FMR1: variants seen among roughly 807,000 people sequenced by gnomAD.
FMR1 encodes the protein FMRP translational regulator 1.
A neutral mutation model predicts 50.6 loss-of-function variants in FMR1; 13 were observed. The observed-to-expected ratio is 0.26, with a 90% CI of 0.17 to 0.41. The LOEUF is 0.41. FMR1 is among the 10% of genes least tolerant of loss of function. FMR1 has a pLI of 1.00. For missense variants in FMR1, 316 were observed against 491.3 expected, an observed-to-expected ratio of 0.64 and a Z score of 3.37; for synonymous variants, 138 against 164.1, an observed-to-expected ratio of 0.84 and a Z score of 1.22.
Position 147,930,186 on chromosome X carries a change from G to A in FMR1, c.572G>A (p.Ser191Asn). The change falls in exon 7 of 17, where the codon AGT becomes AAT. Residue 191 changes from serine to asparagine, a missense_variant. This residue lies in a region of FMR1 where 124 missense variants were observed against 238.1 expected (regional missense o/e 0.52). Transcript: ENST00000370475. ...AHMLIDMHFR[S>N]LRTKLSLIMR... is the part of the protein sequence containing the mutation. ...ATGCTGATTGACATGCACTTTCGGA[G>A]TCTGCGCACTAAGTTGTCTCTGATA... 8.3e-7 allele frequency: 1 copy of A among 1,209,536 alleles called. No homozygotes were observed. Among genetic ancestry groups the A allele is most frequent in the Non-Finnish European group, 1.1e-6 (1 of 893,491 alleles).
At chrX:147,934,495 A>G (rs1245856710) in intron 9 of FMR1, among the ~76,000 whole-genome samples, 1 of 111,294 alleles carries the variant, frequency 9.0e-6, no homozygotes, top group African/African-American at 3.3e-5. Flanking sequence ...ACAGTAGGGG[A>G]CTCTGTTCTT....
chrX:147,944,159 G>A, intron 14 of FMR1: 1 of 754,180 alleles, frequency 1.3e-6, no homozygotes, highest in African/African-American at 2.3e-5. Context: ...CCAACAGTCT[G>A]TTCTTTTTAC....
At chrX:147,917,778 G>A (rs1373947092) in intron 1 of FMR1, among the ~76,000 whole-genome samples, 1 of 111,145 alleles carries the variant, frequency 9.0e-6, no homozygotes, top group Non-Finnish European at 1.9e-5. Context: ...GAGGCTGGTC[G>A]AGTTCCTTAT....
chrX:147,933,598 T>C (rs2043682949), intron 9 of FMR1: 6 of 867,244 alleles, frequency 6.9e-6, no homozygotes, highest in South Asian at 6.4e-5. Flanking sequence ...GCTGCAGATA[T>C]CTTTAGTAGA....
rs1557182679 is a variant in FMR1 at position 147,948,843 on chromosome X, A to T, written c.1898A>T (p.Ter633LeuextTer3). The T allele has an allele frequency of 8.3e-7, 1 of 1,205,918 alleles. No homozygotes were observed. The highest frequency in any genetic ancestry group is 3.0e-5 in the East Asian group (1 of 33,830). ...GQQPLVNGVP[*>L] ...CAACCACTCGTGAATGGAGTACCCT[A>T]AACTGCATAATTCTGAAGTTATATT... Residue 633 changes from the stop codon to leucine (L), a stop_lost, in exon 17 of 17, where the codon TAA becomes TTA. Coordinates refer to ENST00000370475, the MANE Select transcript of FMR1 (RefSeq NM_002024.6).
At position 147,916,733 on chromosome X, in the gene FMR1, T is replaced by A. The variant is rs143346252; in HGVS notation, c.51+4503T>A. 8.1e-3 allele frequency among the ~76,000 whole-genome samples: 889 copies of A among 110,372 alleles called. 8 individuals carry two copies. The highest frequency in any genetic ancestry group is 0.028 in the African/African-American group (854 of 30,202). ...TTGGTTTGTTTCTTTGTTTCTTTAG[T>A]TTGTTTCTTTGTTTCTTTGTTTCTT... On this transcript the variant is annotated intron_variant, in intron 1 of 16. Transcript: ENST00000370475.
Position 147,950,738 on chromosome X carries a change from A to G in FMR1, c.*1894A>G, listed in dbSNP as rs1557183546. ...TCTGTTACAAAATGTAACTGTTACC[A>G]TTGGAAATTTCACGTCATAGGAAGT... On this transcript the variant is annotated 3_prime_UTR_variant, in exon 17 of 17. Coordinates refer to ENST00000370475, the MANE Select transcript of FMR1 (RefSeq NM_002024.6). 6.2e-6 allele frequency: 2 copies of G among 323,429 alleles called. No individual in the cohort carries two copies. The highest frequency in any genetic ancestry group is 9.7e-5 in the East Asian group (1 of 10,297). 26.7% of individuals were successfully genotyped at this position (323,429 alleles called of 1,213,427 possible).
Position 147,950,778 on chromosome X carries a change from C to A in FMR1, c.*1934C>A. ...TCATAGGAAGTTAGCCTTTATCTAC[C>A]AACTTTCAAGAACTTGTTTAATAAA... On this transcript the variant is annotated 3_prime_UTR_variant, in exon 17 of 17. Coordinates refer to ENST00000370475, the MANE Select transcript of FMR1 (RefSeq NM_002024.6). The A allele has an allele frequency of 3.2e-6, 1 of 311,326 alleles. No homozygotes were observed. 25.7% of individuals were successfully genotyped at this position (311,326 alleles called of 1,213,427 possible). A position where few individuals can be genotyped will look rare whatever the true frequency, so the allele number is the denominator to read the frequency against.
Position 147,926,362 on chromosome X carries a change from A to G in FMR1, c.198+729A>G, listed in dbSNP as rs143655724. Among the ~76,000 whole-genome samples, 835 of 112,076 alleles carry G rather than the reference A, an allele frequency of 7.5e-3. 8 individuals are homozygous for G. The highest frequency in any genetic ancestry group is 0.026 in the African/African-American group (805 of 30,819). Reference sequence around the variant, plus strand: ...CTTCTTTTTCTACAATAATAAGCATAATGCCTTACTATTAGTTAATAATAG... The same window carrying G: ...CTTCTTTTTCTACAATAATAAGCATGATGCCTTACTATTAGTTAATAATAG... On this transcript the variant is annotated intron_variant, in intron 3 of 16. Transcript: ENST00000370475.
intron 1 of FMR1, 139 bp from the exon 2 acceptor site, chrX:147,921,794 G>A: frequency 2.2e-6 from 1 of 464,877 alleles, no homozygotes; most frequent in Admixed American, 3.4e-5. Flanking sequence ...TGAATAAAAT[G>A]ATCTTCAAAA....
chrX:147,928,589 C>T lies in FMR1; in HGVS notation c.271-70C>T. 5.1e-6 allele frequency: 5 copies of T among 982,280 alleles called. No individual in the cohort carries two copies. The South Asian group carries it at 1.1e-4, about 21-fold the overall frequency. 81.0% of individuals were successfully genotyped at this position (982,280 alleles called of 1,213,427 possible). A position where few individuals can be genotyped will look rare whatever the true frequency, so the allele number is the denominator to read the frequency against. ...ACATAGATTATTTATTTTAAAATAACTGAATAGGGAGAACTTCTTATTCTT... is the reference window on the plus strand; with the variant it reads ...ACATAGATTATTTATTTTAAAATAATTGAATAGGGAGAACTTCTTATTCTT... On this transcript the variant is annotated intron_variant, in intron 4 of 16. Coordinates refer to ENST00000370475, the MANE Select transcript of FMR1 (RefSeq NM_002024.6).
At chrX:147,919,177 T>C (rs2043035498) in intron 1 of FMR1, among the ~76,000 whole-genome samples, 1 of 111,882 alleles carries the variant, frequency 8.9e-6, no homozygotes, top group African/African-American at 3.3e-5. Context: ...TACTTCCTAA[T>C]AGGTGTCTTA....
chrX:147,948,484 AAAG>A (rs1475568798), intron 16 of FMR1, 196 bp from the exon 17 acceptor site: 12 of 1,061,821 alleles, frequency 1.1e-5, no homozygotes, highest in African/African-American at 9.5e-5. Flanking sequence ...TGTTCCAGTT[AAAG>A]AAGAAGAGTG....
chrX:147,933,364 G>A (rs2043675260), intron 9 of FMR1: 1 of 670,246 alleles, frequency 1.5e-6, no homozygotes, highest in South Asian at 3.9e-5. Flanking sequence ...TTTCTTATGG[G>A]ACTATAAAAT....
At position 147,949,999 on chromosome X, in the gene FMR1, A is replaced by C. The variant is rs782244363; in HGVS notation, c.*1155A>C. ...TGTTTAAGCAGAATTGGAAAAGACT[A>C]AGATCGGTTAACAAATAACAACTTT... On this transcript the variant is annotated 3_prime_UTR_variant, in exon 17 of 17. Transcript: ENST00000370475. 48 of 315,786 alleles carry C rather than the reference A, an allele frequency of 1.5e-4. No individual in the cohort carries two copies. The Admixed American group carries it at 1.6e-3, about 11-fold the overall frequency. The allele number at this position is 315,786 out of a possible 1,213,427, so 26.0% of individuals were successfully genotyped here.
chrX:147,936,983 C>T, intron 10 of FMR1, among the ~76,000 whole-genome samples: 1 of 111,738 alleles, frequency 8.9e-6, no homozygotes, highest in East Asian at 2.8e-4. Flanking sequence ...AAAATTGGAA[C>T]ACAGGTTTTC....
At chrX:147,945,168 C>A in intron 15 of FMR1, 117 bp downstream of exon 15, 1 of 1,057,172 alleles carries the variant, frequency 9.5e-7, no homozygotes, top group Non-Finnish European at 1.3e-6. Flanking sequence ...CCGTTTTGTG[C>A]TGATACCATA....
At position 147,948,971 on chromosome X, in the gene FMR1, A is replaced by G; in HGVS notation, c.*127A>G. ...ACAGGGCATGAAATGAACACAAATT[A>G]TGCTAAGAATTTTTTATTTTTTGGT... On this transcript the variant is annotated 3_prime_UTR_variant, in exon 17 of 17. Transcript: ENST00000370475. 6 of 707,532 alleles carry G rather than the reference A, an allele frequency of 8.5e-6. No individual in the cohort carries two copies. The highest frequency in any genetic ancestry group is 1.3e-5 in the Non-Finnish European group (6 of 454,069). 58.3% of individuals were successfully genotyped at this position (707,532 alleles called of 1,213,427 possible).
At chrX:147,941,018 A>G (rs1298058240) in intron 13 of FMR1, among the ~76,000 whole-genome samples, 1 of 111,785 alleles carries the variant, frequency 8.9e-6, no homozygotes, top group African/African-American at 3.3e-5. Context: ...TCTTGCCTTT[A>G]TTGTTCCTTT....
Sources: gnomAD v4.1 joint callset for allele counts (sites outside exome capture counted in the v4.1 genomes callset) on GRCh38, gnomAD v4.1.1 for gene constraint, gnomAD v4.1.1 regional missense constraint, MANE v1.5 for transcripts, NCBI Gene and HGNC (gene_info 2026-07-23, HGNC 2026-07-21) for gene names.